The following SV2C variants were observed in gnomAD, a reference collection of about 807,000 sequenced individuals.
SV2C encodes the protein solute carrier family 22 member B3.
In SV2C, 49 loss-of-function variants were observed where a neutral mutation model predicts 79.7. That is an observed-to-expected ratio of 0.61 (90% CI 0.49 to 0.78). SV2C has a LOEUF of 0.78. Ranked by LOEUF, SV2C falls within the 30% of genes least tolerant of loss-of-function variation. The pLI, the probability that SV2C is intolerant of heterozygous loss-of-function variation, is 0.00. For missense variants in SV2C, 833 were observed against 912.9 expected (o/e 0.91, Z 1.13); for synonymous variants, 334 against 333.2 (o/e 1.00, Z -0.03).
At chr5:75,936,339 T>A in the SV2C span, among the ~76,000 whole-genome samples, 11 of 152,230 alleles carry the variant, frequency 7.2e-5, no homozygotes, top group African/African-American at 2.4e-4. Context: ...ACAGGTTCAC[T>A]ACCATCTTGG....
chr5:76,299,743 T>G (rs780067644), intron 10 of SV2C, among the ~76,000 whole-genome samples: 1 of 152,240 alleles, frequency 6.6e-6, no homozygotes, highest in Non-Finnish European at 1.5e-5. Context: ...TTTTGTTTTT[T>G]GAGCAATGCT....
the SV2C span, among the ~76,000 whole-genome samples, chr5:76,068,652 A>G: frequency 3.9e-5 from 6 of 152,204 alleles, no homozygotes; most frequent in Non-Finnish European, 8.8e-5. Flanking sequence ...AAAGTTGAAG[A>G]AATAATTGTC....
the SV2C span, among the ~76,000 whole-genome samples, chr5:75,906,164 C>G: frequency 6.6e-6 from 1 of 151,786 alleles, no homozygotes; most frequent in Non-Finnish European, 1.5e-5. Context: ...TTGTGACAAC[C>G]AAAAAAGGCT....
chr5:76,076,420 A>G, the SV2C span, among the ~76,000 whole-genome samples: 4 of 152,256 alleles, frequency 2.6e-5, no homozygotes, highest in African/African-American at 9.6e-5. Flanking sequence ...AAGTTTAACT[A>G]AAGAAGTCTT....
At chr5:75,882,596 C>A in the SV2C span, among the ~76,000 whole-genome samples, 49 of 152,186 alleles carry the variant, frequency 3.2e-4, no homozygotes, top group Non-Finnish European at 6.6e-4. Context: ...AATAACACCG[C>A]ATATCTACAA....
At chr5:75,938,508 G>T in the SV2C span, among the ~76,000 whole-genome samples, 1 of 152,076 alleles carries the variant, frequency 6.6e-6, no homozygotes, top group Non-Finnish European at 1.5e-5. Context: ...TAATATGAAT[G>T]AATATCTTAA....
At chr5:76,335,855 C>G (rs1255909224), downstream of SV2C, among the ~76,000 whole-genome samples, 1 of 152,252 alleles carries the variant, frequency 6.6e-6, no homozygotes, top group Non-Finnish European at 1.5e-5. Context: ...TCCGATTTCT[C>G]AATCCTTTCT....
chr5:76,275,516 A>G (rs1747000195), intron 4 of SV2C, among the ~76,000 whole-genome samples: 1 of 151,980 alleles, frequency 6.6e-6, no homozygotes, highest in Admixed American at 6.6e-5. Context: ...ACAAACAAAA[A>G]CAAAACAAAT....
At chr5:76,164,067 A>G (rs1742972370) in intron 2 of SV2C, among the ~76,000 whole-genome samples, 1 of 152,176 alleles carries the variant, frequency 6.6e-6, no homozygotes, top group Non-Finnish European at 1.5e-5. Flanking sequence ...GTATTCACCC[A>G]TCTATGCTCT....
At chr5:76,206,554 T>C (rs1005385694) in intron 3 of SV2C, among the ~76,000 whole-genome samples, 8 of 152,202 alleles carry the variant, frequency 5.3e-5, no homozygotes, top group African/African-American at 1.4e-4. Flanking sequence ...GTGAGGTGTA[T>C]CTTTCTATTC....
At chr5:76,270,861 C>T (rs1040389932) in intron 4 of SV2C, among the ~76,000 whole-genome samples, 6 of 152,008 alleles carry the variant, frequency 3.9e-5, no homozygotes, top group African/African-American at 7.2e-5. Context: ...CTCTGCCTCC[C>T]GGGTTAAAAC....
At chr5:76,200,339 C>A (rs1483511793) in intron 3 of SV2C, among the ~76,000 whole-genome samples, 1 of 152,222 alleles carries the variant, frequency 6.6e-6, no homozygotes, top group African/African-American at 2.4e-5. Context: ...AATTTTAGAA[C>A]AAAGAGAAGT....
chr5:75,914,988 G>A, the SV2C span, among the ~76,000 whole-genome samples: 2 of 152,200 alleles, frequency 1.3e-5, no homozygotes, highest in Admixed American at 1.3e-4. Context: ...GAGAAAAAGA[G>A]CTTGTGCAGG....
intron 4 of SV2C, among the ~76,000 whole-genome samples, chr5:76,263,471 T>C (rs183373398): frequency 1.9e-3 from 287 of 152,222 alleles, no homozygotes; most frequent in African/African-American, 6.7e-3. Flanking sequence ...TCATTTTAGG[T>C]TAATATTGTT....
chr5:75,911,340 C>A, the SV2C span: 1 of 1,321,988 alleles, frequency 7.6e-7, no homozygotes, highest in South Asian at 1.2e-5. Context: ...AAGTAGTCCT[C>A]CAAACCCGCA....
At chr5:76,054,188 C>T in the SV2C span, among the ~76,000 whole-genome samples, 1 of 152,116 alleles carries the variant, frequency 6.6e-6, no homozygotes, top group African/African-American at 2.4e-5. Context: ...GTTCCCCTGC[C>T]TGTATCCATG....
At chr5:76,002,998 T>C in the SV2C span, among the ~76,000 whole-genome samples, 1 of 151,494 alleles carries the variant, frequency 6.6e-6, no homozygotes. Flanking sequence ...CGGTGGGAGG[T>C]AATTGAATCA....
the SV2C span, among the ~76,000 whole-genome samples, chr5:75,966,896 G>T: frequency 1.3e-5 from 2 of 152,132 alleles, no homozygotes; most frequent in African/African-American, 4.8e-5. Context: ...GACAGATTTA[G>T]GCCCTGGGCT....
chr5:76,122,649 G>A (rs1322338800), intron 1 of SV2C, among the ~76,000 whole-genome samples: 2 of 151,900 alleles, frequency 1.3e-5, no homozygotes, highest in Non-Finnish European at 2.9e-5. Context: ...AATGAAGGCA[G>A]AAATAAAGAT....
Sources: gnomAD v4.1 joint callset for allele counts (sites outside exome capture counted in the v4.1 genomes callset) on GRCh38, gnomAD v4.1.1 for gene constraint, MANE v1.5 for transcripts, NCBI Gene and HGNC (gene_info 2026-07-23, HGNC 2026-07-21) for gene names.